MIS18BP1: variants seen among roughly 807,000 people sequenced by gnomAD.
The protein encoded by MIS18BP1 is mis18-binding protein 1.
MIS18BP1 carries 72 observed loss-of-function variants against 116.1 expected under a neutral mutation model. The observed-to-expected ratio is 0.62, with a 90% CI of 0.51 to 0.75. The LOEUF is 0.75. Among genes scored for constraint, MIS18BP1 ranks in the 30% least tolerant of loss-of-function variants. The probability of loss-of-function intolerance (pLI) is 0.00; values close to 1 mark genes in which losing one functional copy is unlikely to be tolerated. For synonymous variants in MIS18BP1, 386 were observed against 427.0 expected (o/e 0.90, Z 1.18); for missense variants, 1,363 against 1,303.2 (o/e 1.05, Z -0.71).
chr14:45,248,055 GTTT>G (rs3036381), intron 1 of MIS18BP1, among the ~76,000 whole-genome samples: 54 of 109,216 alleles, frequency 4.9e-4, no homozygotes, highest in Admixed American at 1.4e-3. Context: ...TGTTTCTTTC[GTTT>G]TTTTTTTTTT....
intron 9 of MIS18BP1, 113 bp downstream of exon 9, chr14:45,227,549 GA>G (rs200663824): frequency 0.041 from 26,628 of 645,810 alleles, 4 homozygotes; most frequent in South Asian, 0.056. Flanking sequence ...CATCTCAAAA[GA>G]AAAAAAAAAA....
At chr14:45,211,675 T>C (rs533799017) in intron 13 of MIS18BP1, among the ~76,000 whole-genome samples, 302 of 152,312 alleles carry the variant, frequency 2.0e-3, no homozygotes, top group African/African-American at 7.2e-3. Context: ...TGGTGGCCCA[T>C]ACAGGGAGCC....
chr14:45,242,191 T>A lies in MIS18BP1; in HGVS notation c.986A>T (p.Glu329Val). 4 of 1,614,128 alleles carry A rather than the reference T, an allele frequency of 2.5e-6. No homozygotes were observed. Among genetic ancestry groups the A allele is most frequent in the Non-Finnish European group, 3.4e-6 (4 of 1,179,990 alleles). Residue 329 changes from glutamate to valine, a missense_variant, in exon 4 of 17, where the codon GAG becomes GTG. Physicochemically the swap from Glu to Val is moderately radical, Grantham distance 121. Transcript: ENST00000310806. ...KEGNGKTVPG[E>V]TGLPGSMKDT... ...TTTCATGGAACCTGGAAGACCTGTC[T>A]CTCCAGGCACTGTTTTTCCATTTCC...
chr14:45,228,742 G>A (rs1184985011), intron 8 of MIS18BP1, among the ~76,000 whole-genome samples: 2 of 152,106 alleles, frequency 1.3e-5, no homozygotes, highest in Non-Finnish European at 2.9e-5. Flanking sequence ...AATGAAGGAA[G>A]CTTCTATTAT....
intron 1 of MIS18BP1, among the ~76,000 whole-genome samples, chr14:45,251,712 T>C (rs563592177): frequency 1.3e-5 from 2 of 152,134 alleles, no homozygotes; most frequent in Admixed American, 1.3e-4. Context: ...TTAAAAAATA[T>C]ACAAAACAGA....
At chr14:45,205,248 C>A (rs574265122) in intron 15 of MIS18BP1, among the ~76,000 whole-genome samples, 1 of 152,138 alleles carries the variant, frequency 6.6e-6, no homozygotes, top group South Asian at 2.1e-4. Flanking sequence ...ACCTCAAAAT[C>A]ATTTGGTAAC....
chr14:45,206,029 A>T (rs1890505750), intron 15 of MIS18BP1, 54 bp downstream of exon 15: 1 of 1,156,398 alleles, frequency 8.6e-7, no homozygotes, highest in Admixed American at 1.9e-5. Context: ...ACCACAGTTT[A>T]TCACATATTA....
intron 8 of MIS18BP1, among the ~76,000 whole-genome samples, chr14:45,230,737 A>G (rs914532635): frequency 6.6e-6 from 1 of 152,124 alleles, no homozygotes; most frequent in East Asian, 1.9e-4. Context: ...CTCCCACCTT[A>G]GCCTCTCAAG....
chr14:45,224,628 T>G lies in MIS18BP1; in HGVS notation c.1959A>C (p.Thr653=), dbSNP rs1891075683. ...INQKKAYILV[T]PLKSRKVIEQ... ...CTATCACTTTTCTAGATTTAAGTGG[T>G]GTTACTAAAATATAAGCTTTCTTCT... Residue 653 remains threonine, a synonymous_variant, in exon 11 of 17, where the codon ACA becomes ACC. Transcript: ENST00000310806. 1.2e-6 allele frequency: 2 copies of G among 1,613,596 alleles called. No individual in the cohort carries two copies. The highest frequency in any genetic ancestry group is 1.7e-6 in the Non-Finnish European group (2 of 1,179,782).
At position 45,231,256 on chromosome 14, in the gene MIS18BP1, T is replaced by A. The variant is rs766673074; in HGVS notation, c.1479A>T (p.Lys493Asn). 3 of 1,612,934 alleles carry A rather than the reference T, an allele frequency of 1.9e-6. No homozygotes were observed. In the Admixed American group the frequency reaches 5.0e-5, roughly 27 times the overall value. ...TTATGTCACGGACAGATCTTCCAGT[T>A]TTCTGTTTTTGTTTGGTCTTTTCCC... ...KNREKTKQKQKTGRSVRDIRK... is the reference protein window; with the variant it reads ...KNREKTKQKQNTGRSVRDIRK... The change falls in exon 8 of 17, where the codon AAA becomes AAT. Residue 493 changes from lysine (K) to asparagine (N), a missense_variant. Transcript: ENST00000310806.
At chr14:45,250,907 C>G (rs546450876) in intron 1 of MIS18BP1, among the ~76,000 whole-genome samples, 2 of 152,202 alleles carry the variant, frequency 1.3e-5, no homozygotes, top group South Asian at 4.1e-4. Context: ...CGTGGTGACA[C>G]GCGCCTGTAT....
rs1201025194 is a variant in MIS18BP1 at position 45,204,385 on chromosome 14, T to G, written c.3295+14A>C. 6.3e-7 allele frequency: 1 copy of G among 1,598,004 alleles called. No individual in the cohort carries two copies. Among genetic ancestry groups the G allele is most frequent in the South Asian group, 1.1e-5 (1 of 87,750 alleles). ...ATAGAACTGAGCCACAAAAGAAAGCTGTAAGTGTATTACCTGTGTTAAATG... is the reference window on the plus strand; with the variant it reads ...ATAGAACTGAGCCACAAAAGAAAGCGGTAAGTGTATTACCTGTGTTAAATG... On this transcript the variant is annotated intron_variant, in intron 16 of 16. Coordinates refer to ENST00000310806, the MANE Select transcript of MIS18BP1 (RefSeq NM_018353.5).
At position 45,224,371 on chromosome 14, in the gene MIS18BP1, G is replaced by A. The variant is rs1010813810; in HGVS notation, c.2216C>T (p.Ser739Phe). ...TAGTCTGGTATTTTTCTTAAAGTCA[G>A]AGGTGAGCATTTGTTCCTTTTCAAG... ...SNLEKEQMLT[S>F]DFKKNTRLLP... is the part of the protein sequence containing the mutation. Residue 739 changes from serine (S) to phenylalanine (F), a missense_variant, in exon 11 of 17, where the codon TCT becomes TTT. Physicochemically the swap from Ser to Phe is radical, Grantham distance 155 (BLOSUM62 -2). Coordinates refer to ENST00000310806, the MANE Select transcript of MIS18BP1 (RefSeq NM_018353.5). 6.2e-7 allele frequency: 1 copy of A among 1,613,624 alleles called. No homozygotes were observed. Among genetic ancestry groups the A allele is most frequent in the Non-Finnish European group, 8.5e-7 (1 of 1,179,886 alleles).
intron 1 of MIS18BP1, chr14:45,250,109 A>T (rs1891828210): frequency 1.3e-5 from 2 of 152,206 alleles, no homozygotes; most frequent in Admixed American, 6.5e-5. Context: ...GAACCAAAAC[A>T]GAGCTTTCTG....
chr14:45,206,331 G>A, intron 14 of MIS18BP1, 161 bp from the exon 15 acceptor site: 1 of 560,176 alleles, frequency 1.8e-6, no homozygotes, highest in Non-Finnish European at 3.2e-6. Flanking sequence ...CTGTCGCCCA[G>A]GCTGGAGTGC....
At position 45,217,105 on chromosome 14, in the gene MIS18BP1, G is replaced by C; in HGVS notation, c.2917C>G (p.Gln973Glu). The C allele has an allele frequency of 6.2e-7, 1 of 1,614,010 alleles. No homozygotes were observed. The highest frequency in any genetic ancestry group is 8.5e-7 in the Non-Finnish European group (1 of 1,179,972). Reference protein sequence around the residue: ...AKVGTLKRKQQMREFLEQLPK... With the variant: ...AKVGTLKRKQEMREFLEQLPK... ...AACTGTTCCAGAAATTCCCTCATCT[G>C]TTGCTTCCTTTTAAGAGTTCCCACT... The change falls in exon 13 of 17, where the codon CAG (glutamine) becomes GAG (glutamate). Residue 973 changes from glutamine (Q) to glutamate (E), a missense_variant. Gln to Glu is a conservative substitution (Grantham distance 29). Coordinates refer to ENST00000310806, the MANE Select transcript of MIS18BP1 (RefSeq NM_018353.5).
At chr14:45,208,278 T>TCATATTTC (rs1439312556) in intron 14 of MIS18BP1, among the ~76,000 whole-genome samples, 5 of 152,022 alleles carry the variant, frequency 3.3e-5, no homozygotes, top group Non-Finnish European at 5.9e-5. Flanking sequence ...GTTCCAAATC[T>TCATATTTC]CATATTTCCT....
Position 45,242,284 on chromosome 14 carries a change from C to A in MIS18BP1, c.893G>T (p.Gly298Val). Reference sequence around the variant, plus strand: ...ACTATCAGAAACCATTAACAGGCTGCCATTTTTAATAGGAATACAATTAGT... The same window carrying A: ...ACTATCAGAAACCATTAACAGGCTGACATTTTTAATAGGAATACAATTAGT... ...LSTNCIPIKN[G>V]SLLMVSDSER... is the part of the protein sequence containing the mutation. Residue 298 changes from glycine (G) to valine (V), a missense_variant, in exon 4 of 17, where the codon GGC becomes GTC. Physicochemically the swap from Gly to Val is moderately radical, Grantham distance 109. Coordinates refer to ENST00000310806, the MANE Select transcript of MIS18BP1 (RefSeq NM_018353.5). 1.2e-6 allele frequency: 2 copies of A among 1,613,938 alleles called. No individual in the cohort carries two copies. The highest frequency in any genetic ancestry group is 1.7e-6 in the Non-Finnish European group (2 of 1,180,002).
Position 45,224,495 on chromosome 14 carries a change from T to TC in MIS18BP1, c.2091dup (p.Thr698AspfsTer7), listed in dbSNP as rs765108577. ...TGACCTTCAAATGTATTTTCTAAAG[T>TC]CCCCATGGACTTGCTGATGGGACTT... On this transcript the variant is annotated frameshift_variant, in exon 11 of 17. Coordinates refer to ENST00000310806, the MANE Select transcript of MIS18BP1 (RefSeq NM_018353.5). LOFTEE classifies it high-confidence loss of function. 2.5e-6 allele frequency: 4 copies of TC among 1,613,664 alleles called. No homozygotes were observed. Among genetic ancestry groups the TC allele is most frequent in the Non-Finnish European group, 1.7e-6 (2 of 1,179,894 alleles).
Sources: gnomAD v4.1 joint callset for allele counts (sites outside exome capture counted in the v4.1 genomes callset) on GRCh38, gnomAD v4.1.1 for gene constraint, MANE v1.5 for transcripts, NCBI Gene and HGNC (gene_info 2026-07-23, HGNC 2026-07-21) for gene names.